ATOSB: variants seen among roughly 807,000 people sequenced by gnomAD.
The protein encoded by ATOSB is atos homolog protein B.
the ATOSB span, chr9:35,104,568 C>G: frequency 5.5e-6 from 2 of 361,336 alleles, no homozygotes; most frequent in African/African-American, 2.2e-5. Context: ...ACATACCACA[C>G]AAAGACAAGC....
chr9:35,108,641 T>C, the ATOSB span: 12 of 1,033,310 alleles, frequency 1.2e-5, no homozygotes, highest in Non-Finnish European at 1.3e-5. Context: ...TCTTCCCAAC[T>C]GATGCCTCGT....
At chr9:35,107,967 C>A in the ATOSB span, 3 of 1,603,980 alleles carry the variant, frequency 1.9e-6, no homozygotes, top group South Asian at 1.1e-5. Flanking sequence ...TCCCTCTGGG[C>A]CTAAGAGCCC....
At chr9:35,104,927 T>G in the ATOSB span, 1 of 286,512 alleles carries the variant, frequency 3.5e-6, no homozygotes, top group Non-Finnish European at 6.4e-6. Context: ...GAGGCAACGC[T>G]GGCATAACTT....
the ATOSB span, among the ~76,000 whole-genome samples, chr9:35,111,965 A>C: frequency 1.3e-5 from 2 of 152,138 alleles, no homozygotes; most frequent in African/African-American, 4.8e-5. Context: ...CTTTAAAGAT[A>C]CGGTTTGACA....
the ATOSB span, chr9:35,106,839 A>G: frequency 6.4e-7 from 1 of 1,569,370 alleles, no homozygotes; most frequent in Non-Finnish European, 8.6e-7. This position sits in a 1 kb window ranked among gnomAD's most constrained non-coding sequence, Gnocchi z 4.6. Context: ...TTACAGCTTC[A>G]GGCGACGGGC....
chr9:35,108,124 A>C, the ATOSB span: 3 of 1,567,584 alleles, frequency 1.9e-6, no homozygotes, highest in Non-Finnish European at 2.6e-6. Context: ...GAAAAGATGG[A>C]TACCTGGTAG....
chr9:35,106,261 A>G, the ATOSB span: 1 of 1,613,640 alleles, frequency 6.2e-7, no homozygotes, highest in South Asian at 1.1e-5. The surrounding 1 kb of genome is among the most constrained non-coding windows in gnomAD (Gnocchi z 4.6). Flanking sequence ...CCAGGAAGGG[A>G]GCCGGGGCAT....
chr9:35,108,325 C>T, the ATOSB span: 1 of 1,488,628 alleles, frequency 6.7e-7, no homozygotes, highest in South Asian at 1.3e-5. Context: ...TTATGCTGGG[C>T]CTGGGCTGGG....
At chr9:35,114,814 G>A in the ATOSB span, among the ~76,000 whole-genome samples, 5 of 152,326 alleles carry the variant, frequency 3.3e-5, no homozygotes, top group East Asian at 9.6e-4. Flanking sequence ...GGGAAAATCT[G>A]TTTGTGGCAA....
chr9:35,106,707 T>A, the ATOSB span: 1 of 1,465,046 alleles, frequency 6.8e-7, no homozygotes, highest in South Asian at 1.2e-5. This position sits in a 1 kb window ranked among gnomAD's most constrained non-coding sequence, Gnocchi z 4.6. Flanking sequence ...GCTTATGCCC[T>A]TGGACTCCAC....
At chr9:35,106,255 G>T in the ATOSB span, 1 of 1,613,616 alleles carries the variant, frequency 6.2e-7, no homozygotes, top group Admixed American at 1.7e-5. The surrounding 1 kb of genome is among the most constrained non-coding windows in gnomAD (Gnocchi z 4.6). Flanking sequence ...GGCATACCAG[G>T]AAGGGAGCCG....
the ATOSB span, chr9:35,107,256 G>A: frequency 1.7e-6 from 2 of 1,163,364 alleles, 1 homozygote; most frequent in South Asian, 3.3e-5. Context: ...CTGGGAGGAG[G>A]AGGTTGCAGT....
chr9:35,116,378 C>T, the ATOSB span: 2 of 152,790 alleles, frequency 1.3e-5, no homozygotes, highest in East Asian at 3.8e-4. Flanking sequence ...ACCCCGGCCA[C>T]GTGCGGCTTC....
chr9:35,104,731 C>T, the ATOSB span: 1 of 263,668 alleles, frequency 3.8e-6, no homozygotes, highest in South Asian at 3.2e-5. Flanking sequence ...TGAGGGAAAG[C>T]AGTTCTCCTC....
chr9:35,106,692 T>C, the ATOSB span: 3 of 1,484,364 alleles, frequency 2.0e-6, no homozygotes, highest in Middle Eastern at 1.7e-4. The surrounding 1 kb of genome is among the most constrained non-coding windows in gnomAD (Gnocchi z 4.6). Context: ...TATTCTGGGA[T>C]TCCTGCTTAT....
chr9:35,111,659 G>A, the ATOSB span: 1 of 151,048 alleles, frequency 6.6e-6, no homozygotes, highest in African/African-American at 2.4e-5. Flanking sequence ...CCCCCCTCAG[G>A]CTACGCCCTC....
the ATOSB span, chr9:35,105,899 C>T: frequency 8.7e-6 from 14 of 1,613,698 alleles, no homozygotes; most frequent in Admixed American, 2.2e-4. This position sits in a 1 kb window ranked among gnomAD's most constrained non-coding sequence, Gnocchi z 5.5. Flanking sequence ...CTGAGGGCTG[C>T]TTTCCTCTCT....
chr9:35,108,071 T>G, the ATOSB span: 1 of 1,534,690 alleles, frequency 6.5e-7, no homozygotes, highest in Non-Finnish European at 8.8e-7. Context: ...ATGGGGCTTG[T>G]CGTTTCAGGG....
At chr9:35,107,835 G>C in the ATOSB span, 2 of 1,595,092 alleles carry the variant, frequency 1.3e-6, no homozygotes, top group African/African-American at 1.3e-5. Flanking sequence ...AGCATTTGAT[G>C]GGGGGCAGGG....
Sources: allele counts gnomAD v4.1 joint callset (sites outside exome capture counted in the v4.1 genomes callset), GRCh38; gene constraint gnomAD v4.1.1; non-coding constraint Gnocchi (gnomAD v3.1); transcripts MANE v1.5; gene names NCBI Gene and HGNC (gene_info 2026-07-23, HGNC 2026-07-21).